The following SLC11A1 variants were observed in gnomAD, a reference collection of about 807,000 sequenced individuals.
SLC11A1 encodes natural resistance-associated macrophage protein 1.
In SLC11A1, 59 loss-of-function variants were observed where a neutral mutation model predicts 63.2. The ratio of observed to expected loss-of-function variants is 0.93; its 90% CI spans 0.76 to 1.16. SLC11A1 has a LOEUF of 1.16. Among genes scored for constraint, SLC11A1 ranks in the 50% most tolerant of loss-of-function variants. The pLI, the probability that SLC11A1 is intolerant of heterozygous loss-of-function variation, is 0.00. For missense variants in SLC11A1, 688 were observed against 730.7 expected (o/e 0.94, Z 0.67); for synonymous variants, 305 against 307.8 (o/e 0.99, Z 0.09).
chr2:218,382,630 G>A (rs1025940525), intron 1 of SLC11A1, among the ~76,000 whole-genome samples: 4 of 152,160 alleles, frequency 2.6e-5, no homozygotes, highest in African/African-American at 9.7e-5. Context: ...AGCTTTCTGG[G>A]CTGCCGGAGA....
At chr2:218,391,739 C>A in intron 11 of SLC11A1, 1 of 444,474 alleles carries the variant, frequency 2.2e-6, no homozygotes, top group Non-Finnish European at 4.0e-6. Flanking sequence ...TCTCCTGCTT[C>A]AGCCTCCTCA....
rs1345409138 is a variant in SLC11A1, at chr2:218,384,502, C to G, written c.273+137C>G. The G allele has an allele frequency of 9.6e-7, 1 of 1,042,196 alleles. No homozygotes were observed. The highest frequency in any genetic ancestry group is 2.7e-5 in the East Asian group (1 of 37,178). The allele number at this position is 1,042,196 out of a possible 1,614,324, so 64.6% of individuals were successfully genotyped here. On this transcript the variant is annotated intron_variant, in intron 3 of 14. Coordinates refer to ENST00000233202, the MANE Select transcript of SLC11A1 (RefSeq NM_000578.4). The surrounding 1 kb of genome is among the most constrained non-coding windows in gnomAD (Gnocchi z 4.0). ...AAGTTCAAATGGGCCCGAAAAGGGT[C>G]CCCAGGGCAGCCCTGCCAGAAGGTG...
chr2:218,394,925 G>T lies in SLC11A1; in HGVS notation c.1543G>T (p.Val515Phe). ...CAATTCATGGTTGCCCCTCCCCCAG[G>T]TCTGGACCTGTTGCCTTGCCCACGG... ...AAYLGLSTYL[V>F]WTCCLAHGAT... The change falls in exon 15 of 15, where the codon GTC becomes TTC. Residue 515 changes from valine (V) to phenylalanine (F), a missense_variant and splice_region_variant. Val to Phe is a conservative substitution (Grantham distance 50). Transcript: ENST00000233202. 6.2e-7 allele frequency: 1 copy of T among 1,612,452 alleles called. No homozygotes were observed. The highest frequency in any genetic ancestry group is 8.5e-7 in the Non-Finnish European group (1 of 1,179,364).
At chr2:218,392,066 T>G (rs1696486693) in intron 11 of SLC11A1, 1 of 394,366 alleles carries the variant, frequency 2.5e-6, no homozygotes. Context: ...TTTTCTTTTC[T>G]TTCTTTCTTT....
Position 218,394,134 on chromosome 2 carries a change from G to T in SLC11A1, c.1329G>T (p.Val443=). Reference sequence around the variant, plus strand: ...GCTCTCCCCAGCTCCCGTTCGCCGTGCTGCCCATCCTCACGTTCACCAGCA... The same window carrying T: ...GCTCTCCCCAGCTCCCGTTCGCCGTTCTGCCCATCCTCACGTTCACCAGCA... The part of the protein sequence containing the change: ...VLQSLLLPFA[V]LPILTFTSMP... The change falls in exon 13 of 15, where the codon GTG becomes GTT. Residue 443 remains valine, a synonymous_variant. Coordinates refer to ENST00000233202, the MANE Select transcript of SLC11A1 (RefSeq NM_000578.4). The T allele has an allele frequency of 6.2e-7, 1 of 1,614,070 alleles. No homozygotes were observed. Among genetic ancestry groups the T allele is most frequent in the Non-Finnish European group, 8.5e-7 (1 of 1,180,002 alleles).
chr2:218,386,811 C>A, intron 5 of SLC11A1, 70 bp downstream of exon 5: 1 of 1,096,612 alleles, frequency 9.1e-7, no homozygotes, highest in Non-Finnish European at 1.4e-6. Context: ...CCCCCCTAAC[C>A]AGTCCCTCCC....
intron 13 of SLC11A1, 115 bp downstream of exon 13, chr2:218,394,308 G>C: frequency 8.8e-7 from 1 of 1,132,730 alleles, no homozygotes; most frequent in Non-Finnish European, 1.3e-6. Context: ...CAGAGGCTGA[G>C]AGAGGTTAAG....
At chr2:218,387,107 G>T (rs1329320531) in intron 5 of SLC11A1, 53 bp from the exon 6 acceptor site, 4 of 1,521,798 alleles carry the variant, frequency 2.6e-6, no homozygotes, top group African/African-American at 1.4e-5. Context: ...GGCTCCGTAG[G>T]AGTTAGAGAC....
At chr2:218,388,203 A>G in intron 8 of SLC11A1, 2 of 457,600 alleles carry the variant, frequency 4.4e-6, no homozygotes, top group South Asian at 5.8e-5. Context: ...CCCCGTCTCT[A>G]CTAAAAATAC....
At chr2:218,383,363 G>A (rs913186703) in intron 2 of SLC11A1, 5 of 483,320 alleles carry the variant, frequency 1.0e-5, no homozygotes, top group Non-Finnish European at 1.9e-5. Context: ...AGGCCCAGGG[G>A]GAATTGGGAT....
intron 2 of SLC11A1, 172 bp downstream of exon 2, chr2:218,383,274 AGCTGGGGT>A (rs1372003191): frequency 1.5e-6 from 1 of 648,186 alleles, no homozygotes; most frequent in African/African-American, 1.8e-5. Flanking sequence ...CCCAGTGCTT[AGCTGGGGT>A]GCTTCAGTAT....
intron 9 of SLC11A1, 96 bp downstream of exon 9, chr2:218,390,124 A>G (rs1696345279): frequency 7.8e-7 from 1 of 1,290,296 alleles, no homozygotes. Context: ...AGCCCTTCTG[A>G]GTCTCTGCCC....
In SLC11A1 at chr2:218,394,722, C is replaced by G; in HGVS notation, c.1479C>G (p.His493Gln). Reference protein sequence around the residue: ...FVVSYLPSLPHPAYFGLAALL... With the variant: ...FVVSYLPSLPQPAYFGLAALL... ...TCAGCTATCTGCCCAGCCTGCCCCA[C>G]CCTGCCTACTTCGGCCTTGCAGCCT... Residue 493 changes from histidine to glutamine, a missense_variant, in exon 14 of 15, where the codon CAC (histidine) becomes CAG (glutamine). Physicochemically the swap from His to Gln is conservative, Grantham distance 24. Transcript: ENST00000233202. The G allele has an allele frequency of 6.2e-7, 1 of 1,614,038 alleles. No individual in the cohort carries two copies. The highest frequency in any genetic ancestry group is 8.5e-7 in the Non-Finnish European group (1 of 1,180,038).
In SLC11A1 at chr2:218,389,659, T is replaced by G. The variant is rs1471571123; in HGVS notation, c.796-211T>G. Among the ~76,000 whole-genome samples the G allele has an allele frequency of 2.0e-5, 3 of 152,158 alleles. No individual in the cohort carries two copies. The East Asian group carries it at 5.8e-4, about 29-fold the overall frequency. ...CAGGGACCTCAAAGGCCAGCCTTGC[T>G]TCACCCACACAGTGGCTTACAGTGG... is the stretch of plus-strand genomic sequence containing the variant. On this transcript the variant is annotated intron_variant, in intron 8 of 14. Transcript: ENST00000233202.
rs1695991057 is a variant in SLC11A1 at position 218,384,830 on chromosome 2, C to T, written c.274-317C>T. ...CTTGAACTCCTGACCTCAAGTGATC[C>T]ACCGCCTCGGCCTCCCAAAGTGCTG... On this transcript the variant is annotated intron_variant, in intron 3 of 14. Coordinates refer to ENST00000233202, the MANE Select transcript of SLC11A1 (RefSeq NM_000578.4). This position sits in a 1 kb window ranked among gnomAD's most constrained non-coding sequence, Gnocchi z 4.0. The T allele has an allele frequency of 6.2e-6, 2 of 324,650 alleles. No individual in the cohort carries two copies. The highest frequency in any genetic ancestry group is 2.2e-5 in the African/African-American group (1 of 45,602). 20.1% of individuals were successfully genotyped at this position (324,650 alleles called of 1,614,324 possible).
intron 5 of SLC11A1, 197 bp from the exon 6 acceptor site, chr2:218,386,963 G>A (rs568086968): frequency 4.9e-5 from 32 of 647,396 alleles, no homozygotes; most frequent in African/African-American, 2.5e-4. Context: ...CTGCTGCGCC[G>A]GGTGCCAGGT....
intron 5 of SLC11A1, 64 bp downstream of exon 5, chr2:218,386,805 C>A (rs752494281): frequency 6.0e-6 from 7 of 1,171,996 alleles, no homozygotes; most frequent in South Asian, 2.5e-5. Context: ...TACTTCCCCC[C>A]CTAACCAGTC....
chr2:218,391,533 A>G (rs1696452000), intron 11 of SLC11A1, 38 bp downstream of exon 11: 6 of 1,551,752 alleles, frequency 3.9e-6, no homozygotes, highest in South Asian at 1.2e-5. Context: ...CAAGGGGTCC[A>G]AGGACAGCAG....
At chr2:218,394,403 C>T (rs1366408414) in intron 13 of SLC11A1, 21 of 689,840 alleles carry the variant, frequency 3.0e-5, no homozygotes, top group Non-Finnish European at 4.8e-5. Context: ...AGCCTGAGCG[C>T]CTCACTCTCG....
Sources: gnomAD v4.1 joint callset for allele counts (sites outside exome capture counted in the v4.1 genomes callset) on GRCh38, gnomAD v4.1.1 for gene constraint, Gnocchi (gnomAD v3.1) non-coding constraint, MANE v1.5 for transcripts, NCBI Gene and HGNC (gene_info 2026-07-23, HGNC 2026-07-21) for gene names.